Variants in CCDC85A observed in about 807,000 individuals in gnomAD.
CCDC85A encodes coiled-coil domain containing 85A.
Under a neutral mutation model 50.2 loss-of-function variants are expected in CCDC85A, and 38 were observed. That is an observed-to-expected ratio of 0.76 (90% CI 0.58 to 0.99). The LOEUF (loss-of-function observed/expected upper bound fraction) is 0.99, where lower values mean the gene tolerates loss of function less well. Among genes scored for constraint, CCDC85A ranks in the 50% least tolerant of loss-of-function variants. The pLI is 0.00. For synonymous variants in CCDC85A, 366 were observed against 301.4 expected, an observed-to-expected ratio of 1.21 and a Z score of -2.22; for missense variants, 820 against 742.0, an observed-to-expected ratio of 1.11 and a Z score of -1.22.
intron 2 of CCDC85A, among the ~76,000 whole-genome samples, chr2:56,194,291 A>T (rs1676442352): frequency 1.3e-5 from 2 of 152,202 alleles, no homozygotes; most frequent in Admixed American, 6.5e-5. Flanking sequence ...CTTTTCGAAG[A>T]GGTTTAATTT....
At chr2:56,202,303 A>G (rs1308534601) in intron 2 of CCDC85A, among the ~76,000 whole-genome samples, 1 of 152,230 alleles carries the variant, frequency 6.6e-6, no homozygotes, top group Non-Finnish European at 1.5e-5. Flanking sequence ...TGGATGGACA[A>G]CTACCAAAAT....
chr2:56,313,311 A>G (rs758446840), intron 2 of CCDC85A, among the ~76,000 whole-genome samples: 13 of 152,286 alleles, frequency 8.5e-5, no homozygotes, highest in African/African-American at 2.6e-4. Context: ...CATGTGTGCT[A>G]TATCTCTTCA....
intron 2 of CCDC85A, among the ~76,000 whole-genome samples, chr2:56,197,171 G>A (rs78774884): frequency 0.048 from 7,261 of 152,202 alleles, 258 homozygotes; most frequent in Admixed American, 0.13. Flanking sequence ...GAAAGAGCAG[G>A]CTGTTTCTCC....
intron 5 of CCDC85A, among the ~76,000 whole-genome samples, chr2:56,382,645 A>T (rs1676645116): frequency 6.6e-6 from 1 of 151,980 alleles, no homozygotes; most frequent in African/African-American, 2.4e-5. Flanking sequence ...TTTAGTTAAT[A>T]AGTCACTACT....
At chr2:56,355,486 G>A (rs1361913459) in intron 3 of CCDC85A, among the ~76,000 whole-genome samples, 2 of 151,994 alleles carry the variant, frequency 1.3e-5, no homozygotes, top group Non-Finnish European at 2.9e-5. Context: ...TCAGATATTT[G>A]TGATTTCAGA....
intron 2 of CCDC85A, among the ~76,000 whole-genome samples, chr2:56,299,324 A>T (rs1672098820): frequency 6.6e-6 from 1 of 152,168 alleles, no homozygotes; most frequent in Non-Finnish European, 1.5e-5. Context: ...CCTTGGCTGT[A>T]CTAAGTTTAG....
At chr2:56,188,436 G>A (rs1040426249) in intron 1 of CCDC85A, among the ~76,000 whole-genome samples, 11 of 152,316 alleles carry the variant, frequency 7.2e-5, no homozygotes, top group South Asian at 2.1e-4. Context: ...CATTAGCTCC[G>A]TGAAGCCGAG....
intron 2 of CCDC85A, among the ~76,000 whole-genome samples, chr2:56,225,887 T>G (rs1267218155): frequency 6.6e-6 from 1 of 152,226 alleles, no homozygotes; most frequent in Non-Finnish European, 1.5e-5. Context: ...AAAATCCTTC[T>G]GTTATATAAA....
intron 2 of CCDC85A, among the ~76,000 whole-genome samples, chr2:56,320,819 C>T (rs1673143821): frequency 6.6e-6 from 1 of 152,134 alleles, no homozygotes; most frequent in Non-Finnish European, 1.5e-5. Flanking sequence ...ATATCAAAGG[C>T]TGGCAGAGAC....
chr2:56,278,448 A>C (rs76480578), intron 2 of CCDC85A, among the ~76,000 whole-genome samples: 1 of 152,072 alleles, frequency 6.6e-6, no homozygotes, highest in African/African-American at 2.4e-5. Context: ...GCAAAGTCCA[A>C]TTCTGTCTTT....
chr2:56,195,539 A>G lies in CCDC85A; in HGVS notation c.1240+2099A>G, dbSNP rs141715852. Among the ~76,000 whole-genome samples the G allele has an allele frequency of 2.4e-3, 367 of 152,342 alleles. 2 individuals carry two copies. The highest frequency in any genetic ancestry group is 8.5e-3 in the African/African-American group (355 of 41,590). ...TTTAATTTCAGTAATTAATTGGAAA[A>G]TGAAGTGGCACAATGAGATGTTTAT... On this transcript the variant is annotated intron_variant, in intron 2 of 5. Coordinates refer to ENST00000407595, the MANE Select transcript of CCDC85A (RefSeq NM_001080433.2).
chr2:56,233,975 G>T (rs564232047), intron 2 of CCDC85A, among the ~76,000 whole-genome samples: 1 of 152,250 alleles, frequency 6.6e-6, no homozygotes, highest in South Asian at 2.1e-4. Flanking sequence ...GGGCTGGGTT[G>T]TTTCTCAAGC....
At chr2:56,352,151 AATAT>A (rs1181675976) in intron 3 of CCDC85A, among the ~76,000 whole-genome samples, 4 of 152,142 alleles carry the variant, frequency 2.6e-5, no homozygotes, top group African/African-American at 9.7e-5. Context: ...CATGCTTATA[AATAT>A]AACGCATTAG....
intron 5 of CCDC85A, chr2:56,383,612 T>C: frequency 1.0e-6 from 1 of 985,152 alleles, no homozygotes; most frequent in Non-Finnish European, 1.2e-6. Flanking sequence ...ATGCTTTGTG[T>C]TTTGGAAATC....
intron 2 of CCDC85A, among the ~76,000 whole-genome samples, chr2:56,262,801 A>C (rs1290484807): frequency 1.3e-5 from 2 of 152,260 alleles, no homozygotes; most frequent in Non-Finnish European, 2.9e-5. Flanking sequence ...TGTTCATATG[A>C]TGCCAGCACA....
chr2:56,355,521 T>C (rs563940367), intron 3 of CCDC85A, among the ~76,000 whole-genome samples: 59 of 152,232 alleles, frequency 3.9e-4, no homozygotes, highest in South Asian at 2.5e-3. Context: ...ACCAAAATAA[T>C]GAAGCCCTCT....
At position 56,192,359 on chromosome 2, in the gene CCDC85A, C is replaced by T; in HGVS notation, c.277-118C>T. ...CTTCAGCTTCCTCCTACTCCCTCAC[C>T]TCCTCCCCTAACCTCACAGGTAATT... On this transcript the variant is annotated intron_variant, in intron 1 of 5. Coordinates refer to ENST00000407595, the MANE Select transcript of CCDC85A (RefSeq NM_001080433.2). This position sits in a 1 kb window ranked among gnomAD's most constrained non-coding sequence, Gnocchi z 4.7. The T allele has an allele frequency of 1.4e-6, 2 of 1,433,396 alleles. No homozygotes were observed. Among genetic ancestry groups the T allele is most frequent in the Non-Finnish European group, 1.9e-6 (2 of 1,067,374 alleles). 88.8% of individuals were successfully genotyped at this position (1,433,396 alleles called of 1,614,324 possible).
intron 2 of CCDC85A, among the ~76,000 whole-genome samples, chr2:56,296,221 A>G (rs1671940974): frequency 6.6e-6 from 1 of 151,968 alleles, no homozygotes; most frequent in African/African-American, 2.4e-5. Flanking sequence ...TGGCCTGGGT[A>G]CCCTTTTTTG....
intron 2 of CCDC85A, among the ~76,000 whole-genome samples, chr2:56,293,738 A>G (rs1671825189): frequency 6.6e-6 from 1 of 152,224 alleles, no homozygotes; most frequent in African/African-American, 2.4e-5. Context: ...AGAAATTCAA[A>G]TCAAAACCAC....
Sources: gnomAD v4.1 joint callset for allele counts (sites outside exome capture counted in the v4.1 genomes callset) on GRCh38, gnomAD v4.1.1 for gene constraint, Gnocchi (gnomAD v3.1) non-coding constraint, MANE v1.5 for transcripts, NCBI Gene and HGNC (gene_info 2026-07-23, HGNC 2026-07-21) for gene names.